The following WDR33 variants were observed in gnomAD, a reference collection of about 807,000 sequenced individuals.
WDR33 encodes pre-mRNA 3' end processing protein WDR33.
Under a neutral mutation model 164.9 loss-of-function variants are expected in WDR33, and 47 were observed. The observed-to-expected ratio is 0.29, with a 90% CI of 0.23 to 0.36. WDR33 has a LOEUF of 0.36. WDR33 is among the 10% of genes least tolerant of loss of function. The probability of loss-of-function intolerance (pLI) is 1.00; values close to 1 mark genes in which losing one functional copy is unlikely to be tolerated. For synonymous variants in WDR33, 505 were observed against 589.0 expected, an observed-to-expected ratio of 0.86 and a Z score of 2.06; for missense variants, 1,137 against 1,754.1, an observed-to-expected ratio of 0.65 and a Z score of 6.28.
At position 127,702,734 on chromosome 2, in the gene WDR33, T is replaced by A. The variant is rs562617396; in HGVS notation, c.*3589A>T. On this transcript the variant is annotated 3_prime_UTR_variant, in exon 22 of 22. Coordinates refer to ENST00000322313, the MANE Select transcript of WDR33 (RefSeq NM_018383.5). ...AGATGGTTTATCTCGGGTTTTTTCT[T>A]CAGTTAACAAAATCATAAATATGGT... is the stretch of plus-strand genomic sequence containing the variant. 1 of 167,224 alleles carries A rather than the reference T, an allele frequency of 6.0e-6. No individual in the cohort carries two copies. Among genetic ancestry groups the A allele is most frequent in the African/African-American group, 2.4e-5 (1 of 41,592 alleles). 10.4% of individuals were successfully genotyped at this position (167,224 alleles called of 1,614,324 possible).
rs1324284397 is a variant in WDR33, at chr2:127,725,313, G to A, written c.852-98C>T. 1.3e-5 allele frequency: 16 copies of A among 1,254,850 alleles called. No individual in the cohort carries two copies. In the Admixed American group the frequency reaches 4.4e-4, roughly 35 times the overall value. 77.7% of individuals were successfully genotyped at this position (1,254,850 alleles called of 1,614,324 possible). A position where few individuals can be genotyped will look rare whatever the true frequency, so the allele number is the denominator to read the frequency against. ...AAGCGAATTAATCAAGATGGCAAGA[G>A]GTTTGGCCTAGAAGCAATAAAGCCT... On this transcript the variant is annotated intron_variant, in intron 8 of 21. Coordinates refer to ENST00000322313, the MANE Select transcript of WDR33 (RefSeq NM_018383.5).
intron 1 of WDR33, among the ~76,000 whole-genome samples, chr2:127,788,722 G>A: frequency 6.8e-6 from 1 of 147,316 alleles, no homozygotes; most frequent in Non-Finnish European, 1.5e-5. Flanking sequence ...CTCCCTCCCG[G>A]ATGGCACGGC....
intron 7 of WDR33, among the ~76,000 whole-genome samples, chr2:127,757,078 A>T (rs1451436333): frequency 8.0e-6 from 1 of 124,846 alleles, no homozygotes; most frequent in African/African-American, 4.0e-5. Flanking sequence ...ACCTGTCTCC[A>T]AAAAAAAAAA....
chr2:127,758,745 G>C (rs1267892669), intron 7 of WDR33, among the ~76,000 whole-genome samples: 1 of 152,112 alleles, frequency 6.6e-6, no homozygotes, highest in East Asian at 1.9e-4. Context: ...GTAGTTAAGT[G>C]ATCTGCTTCC....
At chr2:127,791,128 A>T (rs549994743) in intron 1 of WDR33, among the ~76,000 whole-genome samples, 2 of 151,654 alleles carry the variant, frequency 1.3e-5, no homozygotes, top group East Asian at 3.9e-4. Flanking sequence ...TTCTATAAAT[A>T]GCAAAAGTAC....
In WDR33 at chr2:127,768,233, G is replaced by A; in HGVS notation, c.334C>T (p.Arg112Trp). 1 of 1,580,074 alleles carries A rather than the reference G, an allele frequency of 6.3e-7. No individual in the cohort carries two copies. The highest frequency in any genetic ancestry group is 1.3e-5 in the African/African-American group (1 of 74,320). Reference sequence around the variant, plus strand: ...CACTTTACTTTATTTGTTGATGTCCGAACAAATTTTGTTGTTACTGCATTC... The same window carrying A: ...CACTTTACTTTATTTGTTGATGTCCAAACAAATTTTGTTGTTACTGCATTC... ...PMNAVTTKFVRTSTNKVKCPV... is the reference protein window; with the variant it reads ...PMNAVTTKFVWTSTNKVKCPV... Residue 112 changes from arginine to tryptophan, a missense_variant, in exon 4 of 22, where the codon CGG (arginine) becomes TGG (tryptophan). By Grantham distance (101) the Arg-to-Trp change is moderately radical. Transcript: ENST00000322313.
At chr2:127,802,696 G>A (rs1033028500) in intron 1 of WDR33, among the ~76,000 whole-genome samples, 7 of 152,006 alleles carry the variant, frequency 4.6e-5, no homozygotes, top group Non-Finnish European at 7.4e-5. Context: ...ACTAAATTAC[G>A]TCTGGGTGCA....
chr2:127,772,957 T>C (rs1448127851), intron 1 of WDR33, among the ~76,000 whole-genome samples: 1 of 99,480 alleles, frequency 1.0e-5, no homozygotes. Flanking sequence ...ACTCCATCTC[T>C]ACAAAAAAAA....
Position 127,704,138 on chromosome 2 carries a change from A to G in WDR33, c.*2185T>C, listed in dbSNP as rs1685958550. ...CCTTGTCTCAAAAATTTTTTCTCAA[A>G]TCAAACATCATTGAAAATCTACTTT... On this transcript the variant is annotated 3_prime_UTR_variant, in exon 22 of 22. Transcript: ENST00000322313. 6.0e-6 allele frequency: 1 copy of G among 166,586 alleles called. No individual in the cohort carries two copies. Among genetic ancestry groups the G allele is most frequent in the Admixed American group, 6.6e-5 (1 of 15,152 alleles). 10.3% of individuals were successfully genotyped at this position (166,586 alleles called of 1,614,324 possible). A position where few individuals can be genotyped will look rare whatever the true frequency, so the allele number is the denominator to read the frequency against.
chr2:127,760,360 C>G (rs527690184), intron 7 of WDR33, among the ~76,000 whole-genome samples: 2 of 152,166 alleles, frequency 1.3e-5, no homozygotes, highest in African/African-American at 2.4e-5. Flanking sequence ...AGAGTCTATG[C>G]GTGTTACATG....
At chr2:127,784,080 T>C (rs972902943) in intron 1 of WDR33, among the ~76,000 whole-genome samples, 2 of 152,212 alleles carry the variant, frequency 1.3e-5, no homozygotes, top group African/African-American at 4.8e-5. Context: ...GTGAGAAAAG[T>C]AGCATTGTTT....
Position 127,722,640 on chromosome 2 carries a change from G to A in WDR33, c.1469C>T (p.Pro490Leu), listed in dbSNP as rs946304327. Reference protein sequence around the residue: ...EVMQKDQKKVPQKKVPYAKPI... With the variant: ...EVMQKDQKKVLQKKVPYAKPI... ...TTTTGCATAAGGAACTTTCTTCTGAGGTACTTTTTTCTGATCCTTTTGCAT... is the reference window on the plus strand; with the variant it reads ...TTTTGCATAAGGAACTTTCTTCTGAAGTACTTTTTTCTGATCCTTTTGCAT... Residue 490 changes from proline (P) to leucine (L), a missense_variant, in exon 14 of 22, where the codon CCT becomes CTT. Coordinates refer to ENST00000322313, the MANE Select transcript of WDR33 (RefSeq NM_018383.5). The surrounding 1 kb of genome is among the most constrained non-coding windows in gnomAD (Gnocchi z 5.1). 2.0e-5 allele frequency: 33 copies of A among 1,613,894 alleles called. No homozygotes were observed. Among genetic ancestry groups the A allele is most frequent in the Non-Finnish European group, 2.6e-5 (31 of 1,179,990 alleles).
At chr2:127,749,591 G>A (rs535840475) in intron 7 of WDR33, among the ~76,000 whole-genome samples, 1 of 151,464 alleles carries the variant, frequency 6.6e-6, no homozygotes, top group East Asian at 2.0e-4. Context: ...GAGCCAGGGA[G>A]GCGGAGATTG....
At chr2:127,782,122 T>C (rs1469953467) in intron 1 of WDR33, among the ~76,000 whole-genome samples, 1 of 152,008 alleles carries the variant, frequency 6.6e-6, no homozygotes, top group Non-Finnish European at 1.5e-5. Flanking sequence ...AAAATCAATT[T>C]TCAGCCGGGC....
At chr2:127,756,603 A>G (rs1256163111) in intron 7 of WDR33, among the ~76,000 whole-genome samples, 1 of 152,186 alleles carries the variant, frequency 6.6e-6, no homozygotes, top group Non-Finnish European at 1.5e-5. Context: ...TTTATAAAAG[A>G]ACAGGGTAAC....
chr2:127,702,260 G>A lies in WDR33; in HGVS notation c.*4063C>T. 2 of 1,142,818 alleles carry A rather than the reference G, an allele frequency of 1.8e-6. No homozygotes were observed. The highest frequency in any genetic ancestry group is 1.1e-6 in the Non-Finnish European group (1 of 917,268). The allele number at this position is 1,142,818 out of a possible 1,614,324, so 70.8% of individuals were successfully genotyped here. A position where few individuals can be genotyped will look rare whatever the true frequency, so the allele number is the denominator to read the frequency against. ...CCGGCCGAGCTGAGGACTGCACGCC[G>A]CTGTGCGGAAGCCCGTGGCGAAGGC... is the stretch of plus-strand genomic sequence containing the variant. On this transcript the variant is annotated 3_prime_UTR_variant, in exon 22 of 22. Transcript: ENST00000322313.
intron 1 of WDR33, among the ~76,000 whole-genome samples, chr2:127,787,393 G>C: frequency 8.2e-6 from 1 of 122,242 alleles, no homozygotes; most frequent in Admixed American, 7.5e-5. Flanking sequence ...AGACGGGGTG[G>C]TGGCCGGGCA....
At position 127,769,036 on chromosome 2, in the gene WDR33, A is replaced by G. The variant is rs73955216; in HGVS notation, c.205-35T>C. ...AAATAAATAAATAAATAAATAAATAAATAGATCAATTAATGACTATATGGT... is the reference window on the plus strand; with the variant it reads ...AAATAAATAAATAAATAAATAAATAGATAGATCAATTAATGACTATATGGT... On this transcript the variant is annotated intron_variant, in intron 2 of 21. Transcript: ENST00000322313. The G allele has an allele frequency of 6.1e-3, 6,838 of 1,126,518 alleles. 328 individuals carry two copies. The African/African-American group carries it at 0.096, about 16-fold the overall frequency. 69.8% of individuals were successfully genotyped at this position (1,126,518 alleles called of 1,614,324 possible). A position where few individuals can be genotyped will look rare whatever the true frequency, so the allele number is the denominator to read the frequency against.
chr2:127,778,065 AG>A (rs1475891767), intron 1 of WDR33, among the ~76,000 whole-genome samples: 1 of 152,204 alleles, frequency 6.6e-6, no homozygotes, highest in African/African-American at 2.4e-5. Flanking sequence ...AGGCCAAGGC[AG>A]GAGGATCTCT....
Sources: allele counts gnomAD v4.1 joint callset (sites outside exome capture counted in the v4.1 genomes callset), GRCh38; gene constraint gnomAD v4.1.1; non-coding constraint Gnocchi (gnomAD v3.1); transcripts MANE v1.5; gene names NCBI Gene and HGNC (gene_info 2026-07-23, HGNC 2026-07-21).